CAMTA1: variants seen among roughly 807,000 people sequenced by gnomAD.
CAMTA1 encodes calmodulin-binding transcription activator 1.
CAMTA1 carries 27 observed loss-of-function variants against 170.9 expected under a neutral mutation model. The observed-to-expected ratio is 0.16, with a 90% CI of 0.12 to 0.22. CAMTA1 has a LOEUF of 0.22. Ranked by LOEUF, CAMTA1 falls within the 10% of genes least tolerant of loss-of-function variation. The pLI, the probability that CAMTA1 is intolerant of heterozygous loss-of-function variation, is 1.00. For missense variants in CAMTA1, 1,619 were observed against 2,217.2 expected (o/e 0.73, Z 5.42); for synonymous variants, 833 against 891.5 (o/e 0.93, Z 1.17).
intron 6 of CAMTA1, among the ~76,000 whole-genome samples, chr1:7,490,438 G>A (rs1347061680): frequency 6.6e-6 from 1 of 152,200 alleles, no homozygotes; most frequent in African/African-American, 2.4e-5. Flanking sequence ...GTTCACCTGA[G>A]GTCAGGAGTT....
intron 5 of CAMTA1, among the ~76,000 whole-genome samples, chr1:7,411,695 A>G (rs937005674): frequency 1.3e-5 from 2 of 152,118 alleles, no homozygotes; most frequent in Non-Finnish European, 2.9e-5. Context: ...GACTCAACAA[A>G]TGTGGCTGAA....
intron 5 of CAMTA1, among the ~76,000 whole-genome samples, chr1:7,424,762 G>A (rs1011305391): frequency 6.6e-6 from 1 of 152,110 alleles, no homozygotes; most frequent in Non-Finnish European, 1.5e-5. Context: ...GTTGCAGCTC[G>A]GATAAGGTGA....
Position 7,010,323 on chromosome 1 carries a change from T to C in CAMTA1, c.235-80981T>C, listed in dbSNP as rs983253135. 2.6e-5 allele frequency among the ~76,000 whole-genome samples: 4 copies of C among 152,188 alleles called. No individual in the cohort carries two copies. The highest frequency in any genetic ancestry group is 7.2e-5 in the African/African-American group (3 of 41,454). Reference sequence around the variant, plus strand: ...ACTCGGCGTCCAGTGCTCAGGCCTCTGGGCTCTCTCTGGCCCTTGCTTGGT... The same window carrying C: ...ACTCGGCGTCCAGTGCTCAGGCCTCCGGGCTCTCTCTGGCCCTTGCTTGGT... On this transcript the variant is annotated intron_variant, in intron 3 of 22. Transcript: ENST00000303635. The surrounding 1 kb of genome is among the most constrained non-coding windows in gnomAD (Gnocchi z 4.4).
intron 3 of CAMTA1, among the ~76,000 whole-genome samples, chr1:7,080,358 A>G (rs1572896744): frequency 6.6e-6 from 1 of 152,206 alleles, no homozygotes; most frequent in African/African-American, 2.4e-5. Context: ...TCAAACTATG[A>G]TCTGGCTGGC....
At chr1:7,052,205 C>T (rs1706503969) in intron 3 of CAMTA1, among the ~76,000 whole-genome samples, 1 of 152,180 alleles carries the variant, frequency 6.6e-6, no homozygotes, top group Non-Finnish European at 1.5e-5. Context: ...GGCCCTGGGG[C>T]CATTCTTTTT....
intron 3 of CAMTA1, among the ~76,000 whole-genome samples, chr1:6,978,000 C>T (rs1260558563): frequency 6.6e-6 from 1 of 152,038 alleles, no homozygotes; most frequent in Non-Finnish European, 1.5e-5. Flanking sequence ...TGGGATCTAA[C>T]AATCAAAACA....
At position 7,534,030 on chromosome 1, in the gene CAMTA1, C is replaced by T. The variant is rs2094521561; in HGVS notation, c.510+66129C>T. Among the ~76,000 whole-genome samples, 1 of 152,156 alleles carries T rather than the reference C, an allele frequency of 6.6e-6. No homozygotes were observed. The highest frequency in any genetic ancestry group is 1.5e-5 in the Non-Finnish European group (1 of 68,026). ...CCTCATCTACTGTACCTGGAGCCTT[C>T]TCCTGACCCTGAACCCTGCCCTTGC... On this transcript the variant is annotated intron_variant, in intron 6 of 22. Coordinates refer to ENST00000303635, the MANE Select transcript of CAMTA1 (RefSeq NM_015215.4). This position sits in a 1 kb window ranked among gnomAD's most constrained non-coding sequence, Gnocchi z 5.6.
intron 5 of CAMTA1, among the ~76,000 whole-genome samples, chr1:7,419,408 C>T (rs1041668252): frequency 5.9e-5 from 9 of 152,160 alleles, no homozygotes; most frequent in South Asian, 2.1e-4. Flanking sequence ...CTGCCCACCT[C>T]GGCCTCCCAA....
chr1:7,237,242 A>C (rs1392233782), intron 4 of CAMTA1, among the ~76,000 whole-genome samples: 4 of 152,238 alleles, frequency 2.6e-5, no homozygotes, highest in Admixed American at 6.5e-5. Flanking sequence ...TGCAAGTAAC[A>C]GATCTTATGA....
chr1:7,671,174 G>A (rs544921744), intron 10 of CAMTA1, 137 bp downstream of exon 10: 31 of 946,710 alleles, frequency 3.3e-5, no homozygotes, highest in East Asian at 9.9e-5. Flanking sequence ...GTGAAGAAGC[G>A]GATCCCCGAT....
intron 5 of CAMTA1, among the ~76,000 whole-genome samples, chr1:7,449,922 A>AC (rs1455508249): frequency 6.6e-6 from 1 of 152,010 alleles, no homozygotes; most frequent in Non-Finnish European, 1.5e-5. Flanking sequence ...GGCGTTTGAT[A>AC]CCACACTTCG....
chr1:6,793,581 G>A (rs1187377703), intron 1 of CAMTA1, among the ~76,000 whole-genome samples: 2 of 152,166 alleles, frequency 1.3e-5, no homozygotes, highest in Non-Finnish European at 2.9e-5. Context: ...GCTAAATTTA[G>A]TGTCTATGAT....
At chr1:7,545,748 A>T (rs1001589569) in intron 6 of CAMTA1, among the ~76,000 whole-genome samples, 1 of 152,002 alleles carries the variant, frequency 6.6e-6, no homozygotes, top group South Asian at 2.1e-4. Context: ...ACATAGGTAG[A>T]CATGTGCCAT....
At chr1:7,362,456 G>C in intron 5 of CAMTA1, among the ~76,000 whole-genome samples, 1 of 152,250 alleles carries the variant, frequency 6.6e-6, no homozygotes, top group African/African-American at 2.4e-5. Flanking sequence ...AATAGAGTTA[G>C]TGGACTTGAA....
intron 6 of CAMTA1, among the ~76,000 whole-genome samples, chr1:7,504,212 G>T (rs1489572231): frequency 1.3e-5 from 2 of 152,214 alleles, no homozygotes; most frequent in Admixed American, 1.3e-4. Flanking sequence ...CCCGGGTCCT[G>T]CCAGGCTCTG....
At chr1:7,377,186 G>A (rs1290397678) in intron 5 of CAMTA1, among the ~76,000 whole-genome samples, 1 of 152,186 alleles carries the variant, frequency 6.6e-6, no homozygotes, top group Admixed American at 6.5e-5. Context: ...ACCTCCCAGA[G>A]TTCATTCATT....
chr1:7,438,701 G>A (rs2092425481), intron 5 of CAMTA1, among the ~76,000 whole-genome samples: 1 of 152,200 alleles, frequency 6.6e-6, no homozygotes, highest in Admixed American at 6.5e-5. Flanking sequence ...GCAGGCAGAG[G>A]GGGTCCCGCA....
At chr1:7,524,300 A>G (rs765479846) in intron 6 of CAMTA1, among the ~76,000 whole-genome samples, 1 of 152,258 alleles carries the variant, frequency 6.6e-6, no homozygotes, top group Non-Finnish European at 1.5e-5. Context: ...TGATGAACAT[A>G]TAGAAATGCA....
chr1:7,005,545 T>G (rs1438552889), intron 3 of CAMTA1, among the ~76,000 whole-genome samples: 2 of 152,204 alleles, frequency 1.3e-5, no homozygotes, highest in East Asian at 3.8e-4. Context: ...GCTGAGGATG[T>G]GCTCGTGGGT....
Sources: gnomAD v4.1 joint callset for allele counts (sites outside exome capture counted in the v4.1 genomes callset) on GRCh38, gnomAD v4.1.1 for gene constraint, Gnocchi (gnomAD v3.1) non-coding constraint, MANE v1.5 for transcripts, NCBI Gene and HGNC (gene_info 2026-07-23, HGNC 2026-07-21) for gene names.